UGT2B10: variants seen among roughly 807,000 people sequenced by gnomAD.
UGT2B10 encodes UDP-glucuronosyltransferase 2B10.
In UGT2B10, 51 loss-of-function variants were observed where a neutral mutation model predicts 43.7. The ratio of observed to expected loss-of-function variants is 1.17; its 90% CI spans 0.93 to 1.47. UGT2B10 has a LOEUF of 1.47. UGT2B10 is among the 40% of genes most tolerant of loss of function. UGT2B10 has a pLI of 0.00. For synonymous variants in UGT2B10, 225 were observed against 209.0 expected, an observed-to-expected ratio of 1.08 and a Z score of -0.66; for missense variants, 696 against 617.7, an observed-to-expected ratio of 1.13 and a Z score of -1.34.
chr4:68,822,548 A>T, intron 3 of UGT2B10, 146 bp downstream of exon 3: 14 of 1,524,772 alleles, frequency 9.2e-6, no homozygotes, highest in Non-Finnish European at 1.2e-5. Flanking sequence ...ATCCACTGAC[A>T]GAAGTAATAG....
rs186814479 is a variant in UGT2B10 at position 68,818,082 on chromosome 4, C to A, written c.772C>A (p.Arg258=). Residue 258 remains arginine (R), a synonymous_variant, in exon 2 of 6, where the codon CGA becomes AGA. Transcript: ENST00000265403. ...GAGGAAAGCTGACATATGGCTTATG[C>A]GAAACTCCTGGAATTTTAAATTTCC... The part of the protein sequence containing the change: ...TMRKADIWLM[R]NSWNFKFPHP... 1 of 1,611,298 alleles carries A rather than the reference C, an allele frequency of 6.2e-7. No individual in the cohort carries two copies. Among genetic ancestry groups the A allele is most frequent in the East Asian group, 2.2e-5 (1 of 44,724 alleles).
Position 68,816,668 on chromosome 4 carries a change from C to A in UGT2B10, c.649C>A (p.Leu217Ile), listed in dbSNP as rs750239437. The A allele has an allele frequency of 1.9e-6, 3 of 1,612,104 alleles. No homozygotes were observed. The highest frequency in any genetic ancestry group is 1.7e-5 in the Admixed American group (1 of 59,772). Residue 217 changes from leucine (L) to isoleucine (I), a missense_variant, in exon 1 of 6, where the codon CTT (leucine) becomes ATT (isoleucine). Transcript: ENST00000265403. ...GAGGGTAAAAAATATGCTCTATGTG[C>A]TTTATTTTGACTTTTGGTTCCAAAT... The part of the protein sequence containing the change: ...MERVKNMLYV[L>I]YFDFWFQIFN...
At chr4:68,827,170 A>T (rs536696734) in intron 4 of UGT2B10, among the ~76,000 whole-genome samples, 159 bp from the exon 5 acceptor site, 9 of 152,210 alleles carry the variant, frequency 5.9e-5, no homozygotes, top group East Asian at 1.9e-4. Flanking sequence ...CTTCAGTTAC[A>T]TCTCCAACAC....
chr4:68,828,072 T>C (rs1459796177), intron 5 of UGT2B10, among the ~76,000 whole-genome samples: 2 of 151,964 alleles, frequency 1.3e-5, no homozygotes, highest in Admixed American at 6.6e-5. Context: ...ATCACCAGTG[T>C]ATAAGTTTGG....
intron 3 of UGT2B10, among the ~76,000 whole-genome samples, chr4:68,822,864 T>C (rs1737580101): frequency 6.6e-6 from 1 of 152,186 alleles, no homozygotes; most frequent in Non-Finnish European, 1.5e-5. Context: ...GTAAGATTTA[T>C]GATAATTTTC....
At chr4:68,825,320 T>C (rs1453803796) in intron 3 of UGT2B10, among the ~76,000 whole-genome samples, 1 of 151,806 alleles carries the variant, frequency 6.6e-6, no homozygotes, top group Non-Finnish European at 1.5e-5. Flanking sequence ...TTTATTTTTT[T>C]AATTAAATTA....
intron 2 of UGT2B10, 53 bp from the exon 3 acceptor site, chr4:68,822,218 G>A (rs1484272266): frequency 1.9e-6 from 3 of 1,591,392 alleles, no homozygotes; most frequent in African/African-American, 1.4e-5. Context: ...TTTCGGTAGT[G>A]CCTGCTGTGG....
At chr4:68,826,309 A>G in intron 3 of UGT2B10, 101 bp from the exon 4 acceptor site, 1 of 1,286,422 alleles carries the variant, frequency 7.8e-7, no homozygotes, top group South Asian at 1.4e-5. Flanking sequence ...AGATTTATTT[A>G]CTAACATCCC....
At position 68,830,828 on chromosome 4, in the gene UGT2B10, G is replaced by C. The variant is rs375195156; in HGVS notation, c.1536G>C (p.Leu512=). 1.5e-5 allele frequency: 25 copies of C among 1,612,948 alleles called. No homozygotes were observed. Among genetic ancestry groups the C allele is most frequent in the African/African-American group, 4.0e-5 (3 of 74,782 alleles). The part of the protein sequence containing the change: ...TVLFIITKCC[L]FCFWKFARKG... ...TATTTATCATCACAAAGTGTTGTCTGTTTTGTTTCTGGAAGTTTGCTAGAA... is the reference window on the plus strand; with the variant it reads ...TATTTATCATCACAAAGTGTTGTCTCTTTTGTTTCTGGAAGTTTGCTAGAA... Residue 512 remains leucine (L), a synonymous_variant, in exon 6 of 6, where the codon CTG becomes CTC. Transcript: ENST00000265403.
At position 68,816,469 on chromosome 4, in the gene UGT2B10, T is replaced by C. The variant is rs368527588; in HGVS notation, c.450T>C (p.Asp150=). The part of the protein sequence containing the change: ...QESRFDIVFA[D]AYLPCGELLA... ...CAAGATTTGACATCGTTTTTGCAGA[T>C]GCTTATTTACCCTGTGGTGAGCTGC... Residue 150 remains aspartate, a synonymous_variant, in exon 1 of 6, where the codon GAT becomes GAC. Coordinates refer to ENST00000265403, the MANE Select transcript of UGT2B10 (RefSeq NM_001075.6). The C allele has an allele frequency of 1.2e-4, 200 of 1,613,114 alleles. 1 individual carries two copies. The highest frequency in any genetic ancestry group is 1.4e-4 in the Non-Finnish European group (170 of 1,179,452).
In UGT2B10 at chr4:68,822,252, T is replaced by C; in HGVS notation, c.868-19T>C. ...GGTGATACTCTTTTATGATGAAACA[T>C]TTTTTCTTTTTCCCACAGGAAATGG... On this transcript the variant is annotated intron_variant, in intron 2 of 5. Coordinates refer to ENST00000265403, the MANE Select transcript of UGT2B10 (RefSeq NM_001075.6). 1 of 1,608,566 alleles carries C rather than the reference T, an allele frequency of 6.2e-7. No individual in the cohort carries two copies. Among genetic ancestry groups the C allele is most frequent in the Non-Finnish European group, 8.5e-7 (1 of 1,178,922 alleles).
At position 68,831,417 on chromosome 4, in the gene UGT2B10, G is replaced by T. The variant is rs772186755; in HGVS notation, c.*538G>T. Among the ~76,000 whole-genome samples the T allele has an allele frequency of 1.9e-4, 29 of 152,052 alleles. No individual in the cohort carries two copies. Among genetic ancestry groups the T allele is most frequent in the Non-Finnish European group, 4.3e-4 (29 of 67,978 alleles). ...CAAAATGAGATTTTTATATAAGAAT[G>T]ATTCAAATGTTCAGGGATGAAAGAG... On this transcript the variant is annotated 3_prime_UTR_variant, in exon 6 of 6. Coordinates refer to ENST00000265403, the MANE Select transcript of UGT2B10 (RefSeq NM_001075.6).
At chr4:68,830,360 GA>G (rs1312871346) in intron 5 of UGT2B10, among the ~76,000 whole-genome samples, 1 of 151,080 alleles carries the variant, frequency 6.6e-6, no homozygotes. Context: ...TTCTCTGCTT[GA>G]AAAAAATAAC....
intron 3 of UGT2B10, among the ~76,000 whole-genome samples, chr4:68,822,851 C>G (rs576610310): frequency 6.6e-6 from 1 of 152,180 alleles, no homozygotes; most frequent in South Asian, 2.1e-4. Context: ...TGTAGAAATA[C>G]AAGTAAGATT....
chr4:68,826,756 C>T (rs1560419652), intron 4 of UGT2B10, among the ~76,000 whole-genome samples: 1 of 152,070 alleles, frequency 6.6e-6, no homozygotes, highest in Non-Finnish European at 1.5e-5. Context: ...TTTTCAATAT[C>T]TTCCTGGGCT....
intron 3 of UGT2B10, among the ~76,000 whole-genome samples, chr4:68,823,243 C>A (rs184711550): frequency 2.6e-5 from 4 of 152,058 alleles, no homozygotes; most frequent in Non-Finnish European, 2.9e-5. Context: ...CATGGTGGTT[C>A]GCGCCTGTAA....
intron 4 of UGT2B10, 68 bp downstream of exon 4, chr4:68,826,565 G>A (rs745444818): frequency 1.6e-5 from 24 of 1,501,012 alleles, no homozygotes; most frequent in Admixed American, 4.4e-5. Flanking sequence ...AGTTCATCTC[G>A]AAGCATGCTT....
At chr4:68,825,885 T>C (rs902760737) in intron 3 of UGT2B10, among the ~76,000 whole-genome samples, 9 of 152,090 alleles carry the variant, frequency 5.9e-5, no homozygotes, top group Non-Finnish European at 1.2e-4. Flanking sequence ...TCATGGTATT[T>C]TTGCCTCTAG....
At chr4:68,821,296 C>G (rs1200157212) in intron 2 of UGT2B10, among the ~76,000 whole-genome samples, 1 of 152,120 alleles carries the variant, frequency 6.6e-6, no homozygotes, top group Non-Finnish European at 1.5e-5. Context: ...TCAATTGCAG[C>G]CAAGCACATC....
Sources: gnomAD v4.1 joint callset for allele counts (sites outside exome capture counted in the v4.1 genomes callset) on GRCh38, gnomAD v4.1.1 for gene constraint, MANE v1.5 for transcripts, NCBI Gene and HGNC (gene_info 2026-07-23, HGNC 2026-07-21) for gene names.